Variants in EBF3 observed in about 807,000 individuals in gnomAD.
The protein encoded by EBF3 is transcription factor COE3.
EBF3 carries 18 observed loss-of-function variants against 77.1 expected under a neutral mutation model. The ratio of observed to expected loss-of-function variants is 0.23; its 90% CI spans 0.16 to 0.35. EBF3 has a LOEUF of 0.35. Ranked by LOEUF, EBF3 falls within the 10% of genes least tolerant of loss-of-function variation. The probability of loss-of-function intolerance (pLI) is 1.00; values close to 1 mark genes in which losing one functional copy is unlikely to be tolerated. For missense variants in EBF3, 558 were observed against 860.0 expected (o/e 0.65, Z 4.39); for synonymous variants, 350 against 343.5 (o/e 1.02, Z -0.21).
At chr10:129,919,363 G>A (rs1856112124) in intron 6 of EBF3, among the ~76,000 whole-genome samples, 1 of 152,144 alleles carries the variant, frequency 6.6e-6, no homozygotes. Context: ...CCAGCAGGCA[G>A]TGGAGTGTGA....
At chr10:129,960,423 G>A (rs1159796214) in intron 4 of EBF3, among the ~76,000 whole-genome samples, 2 of 152,250 alleles carry the variant, frequency 1.3e-5, no homozygotes, top group African/African-American at 4.8e-5. Flanking sequence ...GAAGTGATGG[G>A]TGTCACCGCA....
intron 8 of EBF3, among the ~76,000 whole-genome samples, chr10:129,868,804 T>C (rs973782191): frequency 2.0e-5 from 3 of 152,214 alleles, no homozygotes; most frequent in African/African-American, 7.2e-5. Context: ...CTTTACATGG[T>C]GTTGGCAGAC....
At chr10:129,847,578 T>C (rs1295143917) in intron 11 of EBF3, among the ~76,000 whole-genome samples, 1 of 152,186 alleles carries the variant, frequency 6.6e-6, no homozygotes, top group African/African-American at 2.4e-5. Flanking sequence ...ATTGTGTTAA[T>C]AAAACTCAGA....
intron 6 of EBF3, among the ~76,000 whole-genome samples, chr10:129,946,153 G>A (rs1054815426): frequency 7.9e-5 from 12 of 152,204 alleles, no homozygotes; most frequent in African/African-American, 2.2e-4. Context: ...ACATGCCCGC[G>A]GATTCCCTGC....
Position 129,837,609 on chromosome 10 carries a change from C to A in EBF3, c.*334G>T. ...AGTTTCTCCCAACACATAGCAATTA[C>A]TAGACATGGCCAAGACGGAGTCGGA... On this transcript the variant is annotated 3_prime_UTR_variant, in exon 17 of 17. Coordinates refer to ENST00000440978, the MANE Select transcript of EBF3 (RefSeq NM_001375380.1). The A allele has an allele frequency of 3.2e-6, 1 of 312,494 alleles. No homozygotes were observed. The highest frequency in any genetic ancestry group is 5.9e-6 in the Non-Finnish European group (1 of 168,556). The allele number at this position is 312,494 out of a possible 1,614,324, so 19.4% of individuals were successfully genotyped here.
At chr10:129,950,791 TAAAC>T (rs1283608383) in intron 6 of EBF3, among the ~76,000 whole-genome samples, 3 of 152,208 alleles carry the variant, frequency 2.0e-5, no homozygotes, top group Non-Finnish European at 2.9e-5. Flanking sequence ...GCTATTAAGA[TAAAC>T]AAACAAGAGG....
At chr10:129,911,242 A>C (rs1478815312) in intron 6 of EBF3, among the ~76,000 whole-genome samples, 1 of 152,236 alleles carries the variant, frequency 6.6e-6, no homozygotes, top group Non-Finnish European at 1.5e-5. Context: ...GCACAGGGTA[A>C]GGTCACAGGG....
chr10:129,875,187 C>CTTCTTCTTTTTTTTTTTTTTTTTT (rs1852672323), intron 7 of EBF3, among the ~76,000 whole-genome samples: 1 of 92,932 alleles, frequency 1.1e-5, no homozygotes, highest in African/African-American at 4.1e-5. Context: ...ATGGCTTCTT[C>CTTCTTCTTTTTTTTTTTTTTTTTT]TTTTTTTTTT....
At chr10:129,951,407 C>A (rs1858669255) in intron 6 of EBF3, among the ~76,000 whole-genome samples, 1 of 152,242 alleles carries the variant, frequency 6.6e-6, no homozygotes, top group African/African-American at 2.4e-5. Context: ...CTTCTGACAG[C>A]CCTGCTTCCA....
intron 6 of EBF3, among the ~76,000 whole-genome samples, chr10:129,937,554 G>A (rs1857446490): frequency 6.6e-6 from 1 of 152,206 alleles, no homozygotes; most frequent in Non-Finnish European, 1.5e-5. Context: ...TTCCCATTCA[G>A]GCAGCTACGC....
intron 6 of EBF3, among the ~76,000 whole-genome samples, chr10:129,926,478 T>A (rs543806883): frequency 2.6e-5 from 4 of 152,142 alleles, no homozygotes; most frequent in African/African-American, 9.6e-5. Flanking sequence ...CTGAAACTCT[T>A]AGGACAATCC....
chr10:129,893,947 T>C (rs1481863149), intron 6 of EBF3, among the ~76,000 whole-genome samples: 1 of 152,178 alleles, frequency 6.6e-6, no homozygotes, highest in East Asian at 1.9e-4. Context: ...CACCCTCCGT[T>C]TGGGGTGAAC....
intron 6 of EBF3, among the ~76,000 whole-genome samples, chr10:129,948,649 T>C (rs910199224): frequency 2.0e-5 from 3 of 151,882 alleles, no homozygotes; most frequent in African/African-American, 7.2e-5. Context: ...TGGGGGGATA[T>C]GGGAACTCAG....
At chr10:129,945,892 C>T (rs542081745) in intron 6 of EBF3, among the ~76,000 whole-genome samples, 75 of 152,200 alleles carry the variant, frequency 4.9e-4, no homozygotes, top group African/African-American at 1.8e-3. Context: ...GAGAAGGGAA[C>T]AGTTAAGACA....
At chr10:129,949,398 G>C (rs1175577071) in intron 6 of EBF3, among the ~76,000 whole-genome samples, 1 of 152,194 alleles carries the variant, frequency 6.6e-6, no homozygotes, top group African/African-American at 2.4e-5. Context: ...AGCATCCCAG[G>C]CTCCAGTGCC....
chr10:129,903,236 T>C (rs1358307009), intron 6 of EBF3, among the ~76,000 whole-genome samples: 1 of 152,220 alleles, frequency 6.6e-6, no homozygotes, highest in Non-Finnish European at 1.5e-5. Flanking sequence ...CAGTCTAATA[T>C]TTTATGCAAA....
chr10:129,941,800 G>C (rs1327175558), intron 6 of EBF3, among the ~76,000 whole-genome samples: 5 of 152,210 alleles, frequency 3.3e-5, no homozygotes, highest in African/African-American at 9.6e-5. Context: ...TGCAGTGCCA[G>C]GCCTGGGTGG....
chr10:129,913,505 T>C (rs1016839805), intron 6 of EBF3, among the ~76,000 whole-genome samples: 5 of 152,280 alleles, frequency 3.3e-5, no homozygotes, highest in Non-Finnish European at 7.3e-5. Context: ...AGCAGTATGA[T>C]GAATGGCCTG....
At chr10:129,858,057 TGGTGAACAC>T (rs1370209833) in intron 10 of EBF3, among the ~76,000 whole-genome samples, 1 of 152,200 alleles carries the variant, frequency 6.6e-6, no homozygotes. Context: ...AGCAGTCCCC[TGGTGAACAC>T]GGGGCTCGGG....
Sources: gnomAD v4.1 joint callset for allele counts (sites outside exome capture counted in the v4.1 genomes callset) on GRCh38, gnomAD v4.1.1 for gene constraint, MANE v1.5 for transcripts, NCBI Gene and HGNC (gene_info 2026-07-23, HGNC 2026-07-21) for gene names.